DAB1: variants seen among roughly 807,000 people sequenced by gnomAD.
DAB1 encodes the protein DAB adaptor protein 1, also known as disabled homolog 1.
Under a neutral mutation model 64.6 loss-of-function variants are expected in DAB1, and 15 were observed. The observed-to-expected ratio is 0.23, with a 90% confidence interval of 0.16 to 0.36. DAB1 has a LOEUF of 0.36. DAB1 is among the 10% of genes least tolerant of loss of function. The pLI, the probability that DAB1 is intolerant of heterozygous loss-of-function variation, is 1.00. For synonymous variants in DAB1, 235 were observed against 251.9 expected (o/e 0.93, Z 0.64); for missense variants, 596 against 706.7 (o/e 0.84, Z 1.78).
At chr1:58,322,729 C>T (rs1662715792) in intron 4 of DAB1, among the ~76,000 whole-genome samples, 1 of 152,126 alleles carries the variant, frequency 6.6e-6, no homozygotes, top group Non-Finnish European at 1.5e-5. Flanking sequence ...ACCCAGTGAT[C>T]CCATTACTGG....
intron 9 of DAB1, among the ~76,000 whole-genome samples, chr1:57,029,556 C>T (rs1646901703): frequency 8.7e-6 from 1 of 115,308 alleles, no homozygotes; most frequent in Admixed American, 8.8e-5. Flanking sequence ...ACACTCCATG[C>T]CTGCCCATTG....
chr1:57,021,189 T>A (rs561575557), intron 11 of DAB1, among the ~76,000 whole-genome samples: 129 of 152,268 alleles, frequency 8.5e-4, no homozygotes, highest in Non-Finnish European at 1.5e-3. Context: ...ATCTTGGAGG[T>A]AATCTATCAA....
Position 57,434,443 on chromosome 1 carries a change from T to C in DAB1, n.626-143277A>G, listed in dbSNP as rs1685616599. 2.0e-5 allele frequency among the ~76,000 whole-genome samples: 3 copies of C among 152,310 alleles called. No homozygotes were observed. The South Asian group carries it at 6.2e-4, about 32-fold the overall frequency. ...GAGGATCAAGAACAGGCAAAATAAA[T>C]CTACAAGTGAAAGTTGGAATATTAG... is the stretch of plus-strand genomic sequence containing the variant. On this transcript the variant is annotated intron_variant and non_coding_transcript_variant, in intron 7 of 20. Transcript: ENST00000485760.
At chr1:58,147,495 G>T (rs554358616) in intron 5 of DAB1, among the ~76,000 whole-genome samples, 7 of 150,564 alleles carry the variant, frequency 4.6e-5, no homozygotes, top group African/African-American at 1.7e-4. Flanking sequence ...GCAGACGCCT[G>T]TAGTCCCAGC....
intron 5 of DAB1, among the ~76,000 whole-genome samples, chr1:58,079,186 T>C (rs1170153237): frequency 6.6e-6 from 1 of 152,108 alleles, no homozygotes; most frequent in Non-Finnish European, 1.5e-5. Flanking sequence ...CACTGAGGTG[T>C]CCCCACAGGA....
At chr1:57,985,745 G>A (rs1170834566) in intron 5 of DAB1, among the ~76,000 whole-genome samples, 1 of 152,090 alleles carries the variant, frequency 6.6e-6, no homozygotes, top group Non-Finnish European at 1.5e-5. Context: ...GAGTTGTCTT[G>A]TGACCTAATA....
chr1:58,093,412 A>T (rs1368323879), intron 5 of DAB1, among the ~76,000 whole-genome samples: 1 of 152,134 alleles, frequency 6.6e-6, no homozygotes, highest in Non-Finnish European at 1.5e-5. Flanking sequence ...TAAGCAGAGG[A>T]CGAGTGAGCC....
chr1:57,653,441 G>A (rs1350503580), intron 6 of DAB1, among the ~76,000 whole-genome samples: 2 of 151,962 alleles, frequency 1.3e-5, no homozygotes, highest in Non-Finnish European at 2.9e-5. Flanking sequence ...ATTTTATCAC[G>A]TGTTTATATT....
In DAB1 at chr1:57,519,332, C is replaced by T. The variant is rs553037010; in HGVS notation, n.625+130260G>A. Among the ~76,000 whole-genome samples, 24 of 152,318 alleles carry T rather than the reference C, an allele frequency of 1.6e-4. No individual in the cohort carries two copies. In the South Asian group the frequency reaches 5.0e-3, roughly 32 times the overall value. Reference sequence around the variant, plus strand: ...AGATAAGCCTGCCGGTGCCCTGACCCAGACACCAGCTCCCAAGTTCTTTGC... The same window carrying T: ...AGATAAGCCTGCCGGTGCCCTGACCTAGACACCAGCTCCCAAGTTCTTTGC... On this transcript the variant is annotated intron_variant and non_coding_transcript_variant, in intron 7 of 20. Transcript: ENST00000485760.
chr1:57,485,537 T>C (rs574252831), intron 7 of DAB1, among the ~76,000 whole-genome samples: 4 of 152,314 alleles, frequency 2.6e-5, no homozygotes, highest in South Asian at 4.1e-4. Flanking sequence ...TGCCAACCTT[T>C]TCTATCCTGC....
At chr1:57,273,671 C>T (rs1278377893) in intron 2 of DAB1, among the ~76,000 whole-genome samples, 5 of 139,774 alleles carry the variant, frequency 3.6e-5, no homozygotes, top group Non-Finnish European at 7.6e-5. Context: ...TCGAGTCAAA[C>T]ATGCATTGTG....
chr1:58,369,267 T>C (rs1644243891), intron 3 of DAB1, among the ~76,000 whole-genome samples: 1 of 152,126 alleles, frequency 6.6e-6, no homozygotes, highest in Non-Finnish European at 1.5e-5. Context: ...AAAAATAAAA[T>C]ATTAGCTTCT....
intron 1 of DAB1, among the ~76,000 whole-genome samples, chr1:57,366,020 C>G (rs1679968445): frequency 6.6e-6 from 1 of 152,130 alleles, no homozygotes; most frequent in Non-Finnish European, 1.5e-5. Flanking sequence ...GAAAGATGAG[C>G]GGAAAGCTAG....
chr1:58,545,599 A>G (rs1321145413), intron 1 of DAB1, among the ~76,000 whole-genome samples: 1 of 152,202 alleles, frequency 6.6e-6, no homozygotes, highest in South Asian at 2.1e-4. Context: ...TAACAAAATT[A>G]ATGATGTGAG....
intron 3 of DAB1, among the ~76,000 whole-genome samples, chr1:58,460,750 G>A (rs1645236193): frequency 6.6e-6 from 1 of 152,030 alleles, no homozygotes; most frequent in African/African-American, 2.4e-5. Flanking sequence ...TGGGAGCTAA[G>A]GGGAAAAAAC....
intron 4 of DAB1, among the ~76,000 whole-genome samples, chr1:58,197,227 C>T (rs970998468): frequency 4.6e-5 from 7 of 152,098 alleles, no homozygotes; most frequent in African/African-American, 1.7e-4. Context: ...CCACAATAAA[C>T]CCTGACAAGA....
chr1:57,825,811 T>C (rs1405363076), downstream of DAB1, among the ~76,000 whole-genome samples: 4 of 152,304 alleles, frequency 2.6e-5, 1 homozygote, highest in Middle Eastern at 6.8e-3. Context: ...GTGAATGTTG[T>C]TCAGGTCAGG....
intron 6 of DAB1, among the ~76,000 whole-genome samples, chr1:57,704,625 A>G (rs1646944130): frequency 6.6e-6 from 1 of 152,204 alleles, no homozygotes; most frequent in African/African-American, 2.4e-5. Context: ...TAGGAAAGTC[A>G]GTTGAAATAC....
At chr1:57,486,481 T>C (rs1644093447) in intron 7 of DAB1, among the ~76,000 whole-genome samples, 1 of 152,148 alleles carries the variant, frequency 6.6e-6, no homozygotes, top group African/African-American at 2.4e-5. Context: ...TACCTGTTGT[T>C]TTGTCTTAAT....
Sources: gnomAD v4.1 joint callset for allele counts (sites outside exome capture counted in the v4.1 genomes callset) on GRCh38, gnomAD v4.1.1 for gene constraint, MANE v1.5 for transcripts, NCBI Gene and HGNC (gene_info 2026-07-23, HGNC 2026-07-21) for gene names.